Variants in ATP8B4 observed in about 807,000 individuals in gnomAD.
The protein encoded by ATP8B4 is probable phospholipid-transporting ATPase IM.
ATP8B4 carries 133 observed loss-of-function variants against 145.6 expected under a neutral mutation model. That is an observed-to-expected ratio of 0.91 (90% CI 0.79 to 1.05). The LOEUF (loss-of-function observed/expected upper bound fraction) is 1.05. Ranked by LOEUF, ATP8B4 falls within the 50% of genes least tolerant of loss-of-function variation. The pLI, the probability that ATP8B4 is intolerant of heterozygous loss-of-function variation, is 0.00. For missense variants in ATP8B4, 1,458 were observed against 1,425.2 expected (o/e 1.02, Z -0.37); for synonymous variants, 507 against 492.9 (o/e 1.03, Z -0.38).
At chr15:50,050,174 C>T (rs543464278) in intron 3 of ATP8B4, among the ~76,000 whole-genome samples, 16 of 152,294 alleles carry the variant, frequency 1.1e-4, no homozygotes, top group African/African-American at 3.9e-4. Flanking sequence ...CTTTTGGGTC[C>T]ATCCCAGCTT....
chr15:50,172,436 A>G (rs1399955162), intron 1 of ATP8B4, among the ~76,000 whole-genome samples: 2 of 152,216 alleles, frequency 1.3e-5, no homozygotes, highest in Non-Finnish European at 2.9e-5. Context: ...AGTCTCGCTC[A>G]CACAGTGCTC....
At chr15:49,984,012 T>C (rs1162323432) in intron 10 of ATP8B4, among the ~76,000 whole-genome samples, 1 of 152,266 alleles carries the variant, frequency 6.6e-6, no homozygotes, top group Non-Finnish European at 1.5e-5. Flanking sequence ...GTAAGTAGCA[T>C]AATGCCCAGC....
At chr15:50,073,019 T>TATACACACACAC (rs1455088682) in intron 3 of ATP8B4, among the ~76,000 whole-genome samples, 2 of 32,454 alleles carry the variant, frequency 6.2e-5, no homozygotes, top group East Asian at 1.3e-3. Context: ...TATATATATA[T>TATACACACACAC]ACACACACAC....
chr15:50,181,130 C>T (rs1187368467), intron 1 of ATP8B4, among the ~76,000 whole-genome samples: 6 of 152,298 alleles, frequency 3.9e-5, no homozygotes, highest in East Asian at 1.9e-4. Context: ...ATAACTCAGG[C>T]TCCCAAAATG....
At chr15:50,140,124 T>C (rs1024066177) in intron 1 of ATP8B4, among the ~76,000 whole-genome samples, 2 of 152,098 alleles carry the variant, frequency 1.3e-5, no homozygotes, top group South Asian at 4.1e-4. Flanking sequence ...CAGTATATAA[T>C]TTATCCATGT....
upstream of ATP8B4, among the ~76,000 whole-genome samples, chr15:50,121,809 A>G (rs967581454): frequency 3.3e-5 from 5 of 152,160 alleles, no homozygotes; most frequent in Non-Finnish European, 5.9e-5. Flanking sequence ...TACTTTTGAC[A>G]AACGTCCTTT....
At chr15:49,945,088 T>C (rs1038240242) in intron 14 of ATP8B4, among the ~76,000 whole-genome samples, 9 of 151,962 alleles carry the variant, frequency 5.9e-5, no homozygotes, top group African/African-American at 2.2e-4. Flanking sequence ...ATGCATATAA[T>C]TAAAAGAAGA....
intron 14 of ATP8B4, among the ~76,000 whole-genome samples, chr15:49,945,843 A>C (rs1447848672): frequency 6.6e-6 from 1 of 152,190 alleles, no homozygotes; most frequent in Non-Finnish European, 1.5e-5. Context: ...ACAGCAGAAA[A>C]ATACCTTATC....
intron 20 of ATP8B4, chr15:49,902,361 C>A (rs906839337): frequency 2.0e-5 from 3 of 152,180 alleles, no homozygotes; most frequent in African/African-American, 7.2e-5. Context: ...TGTCCACTTA[C>A]CAAAACAACT....
intron 2 of ATP8B4, among the ~76,000 whole-genome samples, chr15:50,097,431 C>T (rs143499879): frequency 2.0e-5 from 3 of 152,136 alleles, no homozygotes; most frequent in Non-Finnish European, 2.9e-5. Flanking sequence ...GGCATTGAAC[C>T]TCCATGACCC....
chr15:50,159,085 A>G (rs1367750912), intron 1 of ATP8B4, among the ~76,000 whole-genome samples: 1 of 152,062 alleles, frequency 6.6e-6, no homozygotes, highest in Admixed American at 6.5e-5. Flanking sequence ...TGCGAGAAAC[A>G]CCCAAGAATG....
chr15:49,901,339 T>C (rs181293812), intron 20 of ATP8B4, 100 bp from the exon 21 acceptor site: 38 of 1,266,130 alleles, frequency 3.0e-5, no homozygotes, highest in Non-Finnish European at 5.4e-6. Flanking sequence ...ATTTCACCAC[T>C]ATTCAGAGAG....
Position 49,877,916 on chromosome 15 carries a change from G to GT in ATP8B4, c.2782-1394dup, listed in dbSNP as rs538950509. Among the ~76,000 whole-genome samples, 20 of 152,286 alleles carry GT rather than the reference G, an allele frequency of 1.3e-4. 1 individual carries two copies. In the East Asian group the frequency reaches 3.9e-3, roughly 29 times the overall value. ...AAGAGGCCTGGTTCTAGTCTTAGCC[G>GT]TGTCACTTATTGGCTGTGTGGCTTT... is the stretch of plus-strand genomic sequence containing the variant. On this transcript the variant is annotated intron_variant, in intron 24 of 27. Coordinates refer to ENST00000284509, the MANE Select transcript of ATP8B4 (RefSeq NM_024837.4).
chr15:50,050,329 C>T (rs1288723359), intron 3 of ATP8B4, among the ~76,000 whole-genome samples: 1 of 152,142 alleles, frequency 6.6e-6, no homozygotes, highest in African/African-American at 2.4e-5. Flanking sequence ...GGCATTCTGG[C>T]AATTGTGTCT....
At chr15:50,170,191 TTCA>T (rs2140864342) in intron 1 of ATP8B4, among the ~76,000 whole-genome samples, 1 of 152,198 alleles carries the variant, frequency 6.6e-6, no homozygotes, top group South Asian at 2.1e-4. Flanking sequence ...ACCTGGGAAA[TTCA>T]TCACAAAAAG....
At chr15:50,118,348 T>TA (rs559970691) in intron 1 of ATP8B4, among the ~76,000 whole-genome samples, 130 of 152,008 alleles carry the variant, frequency 8.6e-4, no homozygotes, top group African/African-American at 3.0e-3. Flanking sequence ...ACATAAAAAA[T>TA]AAAAAATACA....
intron 2 of ATP8B4, among the ~76,000 whole-genome samples, chr15:50,088,482 C>T (rs188129928): frequency 6.6e-6 from 1 of 152,272 alleles, no homozygotes; most frequent in Admixed American, 6.5e-5. Flanking sequence ...CATCTCATGG[C>T]CTTTGCACTT....
At chr15:50,153,378 G>A (rs1385326392) in intron 1 of ATP8B4, among the ~76,000 whole-genome samples, 2 of 146,498 alleles carry the variant, frequency 1.4e-5, no homozygotes, top group South Asian at 2.1e-4. Flanking sequence ...CCACGCTGTC[G>A]CCCAGGCTGG....
chr15:50,015,923 T>C (rs1339295868), intron 6 of ATP8B4, among the ~76,000 whole-genome samples: 1 of 152,164 alleles, frequency 6.6e-6, no homozygotes, highest in East Asian at 1.9e-4. Flanking sequence ...CTGAAGATGC[T>C]CTCTCACCAA....
Sources: gnomAD v4.1 joint callset for allele counts (sites outside exome capture counted in the v4.1 genomes callset) on GRCh38, gnomAD v4.1.1 for gene constraint, MANE v1.5 for transcripts, NCBI Gene and HGNC (gene_info 2026-07-23, HGNC 2026-07-21) for gene names.